ATP7B: variants seen among roughly 807,000 people sequenced by gnomAD.
ATP7B encodes the protein copper-transporting ATPase 2.
ATP7B carries 113 observed loss-of-function variants against 118.9 expected under a neutral mutation model. The observed-to-expected ratio is 0.95, with a 90% CI of 0.82 to 1.11. The LOEUF is 1.11. ATP7B is among the 50% of genes most tolerant of loss of function. The pLI, the probability that ATP7B is intolerant of heterozygous loss-of-function variation, is 0.00. For missense variants in ATP7B, 1,867 were observed against 1,871.4 expected, an observed-to-expected ratio of 1.00 and a Z score of 0.04; for synonymous variants, 777 against 727.4, an observed-to-expected ratio of 1.07 and a Z score of -1.10.
intron 1 of ATP7B, among the ~76,000 whole-genome samples, chr13:52,010,152 A>T (rs1953953102): frequency 6.6e-6 from 1 of 152,084 alleles, no homozygotes; most frequent in African/African-American, 2.4e-5. Context: ...CACCCCTCCC[A>T]ACATTTCTTC....
At chr13:51,978,047 C>T (rs953690361) in intron 1 of ATP7B, among the ~76,000 whole-genome samples, 1 of 152,108 alleles carries the variant, frequency 6.6e-6, no homozygotes, top group Non-Finnish European at 1.5e-5. Flanking sequence ...GAAGAAAACA[C>T]AGGAGAATAT....
Position 51,957,418 on chromosome 13 carries a change from C to A in ATP7B, c.2447+98G>T, listed in dbSNP as rs569565121. 4.8e-6 allele frequency: 6 copies of A among 1,248,184 alleles called. No homozygotes were observed. The South Asian group carries it at 6.1e-5, about 13-fold the overall frequency. 77.3% of individuals were successfully genotyped at this position (1,248,184 alleles called of 1,614,324 possible). Reference sequence around the variant, plus strand: ...CTTACTGTGTCTCTGCCCACACTCACAAGGTCTATTGCAATGTCAATACAA... The same window carrying A: ...CTTACTGTGTCTCTGCCCACACTCAAAAGGTCTATTGCAATGTCAATACAA... On this transcript the variant is annotated intron_variant, in intron 9 of 20. Coordinates refer to ENST00000242839, the MANE Select transcript of ATP7B (RefSeq NM_000053.4).
At chr13:51,987,767 C>T (rs565604950) in intron 1 of ATP7B, among the ~76,000 whole-genome samples, 1 of 152,322 alleles carries the variant, frequency 6.6e-6, no homozygotes, top group South Asian at 2.1e-4. Context: ...CACACATCTA[C>T]AACCATCCGA....
Position 51,974,269 on chromosome 13 carries a change from T to C in ATP7B, c.951A>G (p.Ala317=), listed in dbSNP as rs1951994227. ...AAACTTTAAAATTCCCAGGTGGAAG[T>C]GCCTCGATAGCCCTCTGCAGAGCCA... ...SPVALQRAIE[A]LPPGNFKVSL... Residue 317 remains alanine (A), a synonymous_variant, in exon 2 of 21, where the codon GCA becomes GCG. Coordinates refer to ENST00000242839, the MANE Select transcript of ATP7B (RefSeq NM_000053.4). 6.2e-7 allele frequency: 1 copy of C among 1,614,000 alleles called. No individual in the cohort carries two copies. Among genetic ancestry groups the C allele is most frequent in the Admixed American group, 1.7e-5 (1 of 60,004 alleles).
At chr13:51,961,404 T>C (rs1958733886) in intron 6 of ATP7B, among the ~76,000 whole-genome samples, 1 of 152,184 alleles carries the variant, frequency 6.6e-6, no homozygotes, top group African/African-American at 2.4e-5. Context: ...TCAGCCATTA[T>C]GCCTGCCTTC....
At chr13:52,012,082 G>A (rs1954056486), upstream of ATP7B, 1 of 503,592 alleles carries the variant, frequency 2.0e-6, no homozygotes, top group Non-Finnish European at 3.6e-6. Flanking sequence ...GGCGGGCTTT[G>A]GGCCGGGAAC....
At position 51,957,878 on chromosome 13, in the gene ATP7B, C is replaced by A. The variant is rs767252108; in HGVS notation, c.2356-271G>T. On this transcript the variant is annotated intron_variant, in intron 8 of 20. Transcript: ENST00000242839. The stretch of plus-strand genomic sequence containing the variant: ...CATCAGTCTTCCCACTGACCATTTT[C>A]TTTTAGGTTCAATCTAATTTCTTTT... 3 of 498,300 alleles carry A rather than the reference C, an allele frequency of 6.0e-6. No homozygotes were observed. In the East Asian group the frequency reaches 1.1e-4, roughly 19 times the overall value. The allele number at this position is 498,300 out of a possible 1,614,324, so 30.9% of individuals were successfully genotyped here. A position where few individuals can be genotyped will look rare whatever the true frequency, so the allele number is the denominator to read the frequency against.
In ATP7B at chr13:51,958,361, TG is replaced by T. The variant is rs137853287; in HGVS notation, c.2304del (p.Met769CysfsTer38). 1 of 1,614,140 alleles carries T rather than the reference TG, an allele frequency of 6.2e-7. No individual in the cohort carries two copies. ...CCCAGGGCAATGAACACAAAGAGCA[TG>T]GGGGGCGTGTCGAAGAATGTCACAG... ...RSPVTFFDTP[P>X]MLFVFIALGR... On this transcript the variant is annotated frameshift_variant, in exon 8 of 21. Transcript: ENST00000242839. LOFTEE classifies it high-confidence loss of function.
chr13:51,988,313 C>T (rs1393024393), intron 1 of ATP7B, among the ~76,000 whole-genome samples: 2 of 152,152 alleles, frequency 1.3e-5, no homozygotes, highest in African/African-American at 4.8e-5. Flanking sequence ...AAAAGCTCAT[C>T]ATCACTGGTT....
chr13:51,999,825 C>T (rs1040974025), intron 1 of ATP7B, among the ~76,000 whole-genome samples: 7 of 152,156 alleles, frequency 4.6e-5, no homozygotes, highest in South Asian at 2.1e-4. Flanking sequence ...CCCCCTAGTC[C>T]GCTCACCCTT....
Position 51,968,601 on chromosome 13 carries a change from A to T in ATP7B, c.1550T>A (p.Leu517His). Residue 517 changes from leucine to histidine, a missense_variant, in exon 4 of 21, where the codon CTC (leucine) becomes CAC (histidine). Transcript: ENST00000242839. ...TGCCATCAAGGCAACCAACACGGAG[A>T]GAACACCTGGAACCATCAGGTCATG... is the stretch of plus-strand genomic sequence containing the variant. ...ERNLQKEAGVLSVLVALMAGK... is the reference protein window; with the variant it reads ...ERNLQKEAGVHSVLVALMAGK... 1 of 1,614,084 alleles carries T rather than the reference A, an allele frequency of 6.2e-7. No homozygotes were observed. The highest frequency in any genetic ancestry group is 8.5e-7 in the Non-Finnish European group (1 of 1,180,012).
Position 51,946,374 on chromosome 13 carries a change from G to A in ATP7B, c.2970C>T (p.Ala990=), listed in dbSNP as rs1957658070. Residue 990 remains alanine, a synonymous_variant, in exon 13 of 21, where the codon GCC becomes GCT. Transcript: ENST00000242839. ...CIACPCSLGL[A]TPTAVMVGTG... Reference sequence around the variant, plus strand: ...TGCCCACCATGACAGCCGTGGGCGTGGCCAGCCCCAGGGAGCAGGGGCAGG... The same window carrying A: ...TGCCCACCATGACAGCCGTGGGCGTAGCCAGCCCCAGGGAGCAGGGGCAGG... The A allele has an allele frequency of 2.5e-6, 4 of 1,613,548 alleles. No individual in the cohort carries two copies. The South Asian group carries it at 3.3e-5, about 13-fold the overall frequency.
chr13:52,001,184 G>T lies in ATP7B; in HGVS notation c.51+10103C>A, dbSNP rs145112086. Among the ~76,000 whole-genome samples the T allele has an allele frequency of 1.6e-4, 25 of 152,214 alleles. No individual in the cohort carries two copies. In the East Asian group the frequency reaches 2.9e-3, roughly 18 times the overall value. ...ACAAGAACCCTGGTCCAAGCCACCA[G>T]CTCATCTCACCTGCACTATTGCTTA... On this transcript the variant is annotated intron_variant, in intron 1 of 20. Transcript: ENST00000242839.
At position 51,932,857 on chromosome 13, in the gene ATP7B, A is replaced by G. The variant is rs1956778764; in HGVS notation, c.*1899T>C. ...ATGGTCCTAAAAGTTTTAAAAATCA[A>G]CAGAATTAGATTCTTTAGATAATGA... is the stretch of plus-strand genomic sequence containing the variant. On this transcript the variant is annotated 3_prime_UTR_variant, in exon 21 of 21. Transcript: ENST00000242839. The G allele has an allele frequency of 6.6e-6, 1 of 152,212 alleles. No individual in the cohort carries two copies. The highest frequency in any genetic ancestry group is 1.5e-5 in the Non-Finnish European group (1 of 68,042). 9.4% of individuals were successfully genotyped at this position (152,212 alleles called of 1,614,324 possible).
At chr13:51,985,410 C>CAT (rs1952608509) in intron 1 of ATP7B, among the ~76,000 whole-genome samples, 1 of 152,190 alleles carries the variant, frequency 6.6e-6, no homozygotes, top group South Asian at 2.1e-4. Context: ...CACCCAGATT[C>CAT]ATAAAGCAAG....
intron 9 of ATP7B, among the ~76,000 whole-genome samples, chr13:51,953,147 G>A (rs866916616): frequency 1.3e-5 from 2 of 152,164 alleles, no homozygotes; most frequent in African/African-American, 2.4e-5. Flanking sequence ...GAAGGATCTC[G>A]AGAACCCAAG....
rs1593633447 is a variant in ATP7B, at chr13:51,934,664, A to T, written c.*92T>A. The T allele has an allele frequency of 6.3e-7, 1 of 1,575,150 alleles. No individual in the cohort carries two copies. Among genetic ancestry groups the T allele is most frequent in the South Asian group, 1.1e-5 (1 of 89,360 alleles). ...AGGGAGCGGAAGTCCCCAAAGCTGG[A>T]GGCTAGCTCAGCCCATCCTGCTGCT... On this transcript the variant is annotated 3_prime_UTR_variant, in exon 21 of 21. Transcript: ENST00000242839.
intron 1 of ATP7B, among the ~76,000 whole-genome samples, chr13:51,996,804 C>T (rs1319668237): frequency 1.3e-5 from 2 of 152,240 alleles, no homozygotes; most frequent in African/African-American, 4.8e-5. Flanking sequence ...TCTTACCACA[C>T]TTGTGGCGGT....
chr13:51,974,035 G>A lies in ATP7B; in HGVS notation c.1185C>T (p.Ala395=), dbSNP rs764551529. ...TATAAAGAACTGTTGCAGTCCCTTC[G>A]GCCAAAGACACCGATATTTGCTGCA... ...EGVQQISVSL[A]EGTATVLYNP... is the part of the protein sequence containing the mutation. Residue 395 remains alanine, a synonymous_variant, in exon 2 of 21, where the codon GCC becomes GCT. Transcript: ENST00000242839. The A allele has an allele frequency of 4.3e-6, 7 of 1,614,206 alleles. No individual in the cohort carries two copies. Among genetic ancestry groups the A allele is most frequent in the Admixed American group, 3.3e-5 (2 of 60,024 alleles).
Sources: allele counts gnomAD v4.1 joint callset (sites outside exome capture counted in the v4.1 genomes callset), GRCh38; gene constraint gnomAD v4.1.1; transcripts MANE v1.5; gene names NCBI Gene and HGNC (gene_info 2026-07-23, HGNC 2026-07-21).